LRRC4C: variants seen among roughly 807,000 people sequenced by gnomAD.
LRRC4C encodes leucine-rich repeat-containing protein 4C.
Under a neutral mutation model 33.6 loss-of-function variants are expected in LRRC4C, and 5 were observed. The observed-to-expected ratio is 0.15, with a 90% CI of 0.08 to 0.31. The LOEUF (loss-of-function observed/expected upper bound fraction) is 0.31. Among genes scored for constraint, LRRC4C ranks in the 10% least tolerant of loss-of-function variants. The pLI is 1.00. For synonymous variants in LRRC4C, 329 were observed against 302.0 expected (o/e 1.09, Z -0.93); for missense variants, 560 against 796.7 (o/e 0.70, Z 3.58).
At chr11:40,592,558 G>C (rs2135745486) in intron 3 of LRRC4C, among the ~76,000 whole-genome samples, 1 of 152,304 alleles carries the variant, frequency 6.6e-6, no homozygotes, top group East Asian at 1.9e-4. Context: ...AGGACATTCT[G>C]TGTCCATCCC....
At chr11:40,442,637 G>T (rs1048939336) in intron 3 of LRRC4C, among the ~76,000 whole-genome samples, 1 of 152,186 alleles carries the variant, frequency 6.6e-6, no homozygotes, top group African/African-American at 2.4e-5. Flanking sequence ...ATTCTCCAGG[G>T]AGACAGGGTT....
intron 3 of LRRC4C, among the ~76,000 whole-genome samples, chr11:40,403,190 A>T (rs1436030404): frequency 6.6e-6 from 1 of 152,138 alleles, no homozygotes; most frequent in Non-Finnish European, 1.5e-5. Flanking sequence ...AAGCCATATC[A>T]TATGATTCTA....
At chr11:41,316,271 A>AAC (rs952937503) in intron 1 of LRRC4C, among the ~76,000 whole-genome samples, 4 of 149,320 alleles carry the variant, frequency 2.7e-5, no homozygotes, top group South Asian at 2.1e-4. Context: ...GCAAAAAAAA[A>AAC]AAAAAAAACA....
At chr11:40,688,010 T>C (rs1027727914) in intron 2 of LRRC4C, among the ~76,000 whole-genome samples, 1 of 152,070 alleles carries the variant, frequency 6.6e-6, no homozygotes, top group Non-Finnish European at 1.5e-5. Flanking sequence ...CCTGAGGATA[T>C]TGTAATCTAC....
intron 1 of LRRC4C, among the ~76,000 whole-genome samples, chr11:41,458,291 T>A (rs372177546): frequency 1.3e-5 from 2 of 152,044 alleles, no homozygotes; most frequent in East Asian, 1.9e-4. Context: ...GGATAAACCA[T>A]CCACATGCAC....
At position 40,687,679 on chromosome 11, in the gene LRRC4C, A is replaced by G. The variant is rs540828682; in HGVS notation, c.-406-39401T>C. On this transcript the variant is annotated intron_variant, in intron 2 of 6. Coordinates refer to ENST00000528697, the MANE Select transcript of LRRC4C (RefSeq NM_001258419.2). ...AATGCTAAACTTTGTCTTTCTTGCT[A>G]TGATTGATGCATGCAAATTATTTCA... Among the ~76,000 whole-genome samples, 4 of 152,240 alleles carry G rather than the reference A, an allele frequency of 2.6e-5. No individual in the cohort carries two copies. The East Asian group carries it at 7.7e-4, about 29-fold the overall frequency.
intron 3 of LRRC4C, among the ~76,000 whole-genome samples, chr11:40,531,386 C>A (rs1435771622): frequency 1.3e-5 from 2 of 151,996 alleles, no homozygotes; most frequent in African/African-American, 4.8e-5. Flanking sequence ...GAGTCGAATT[C>A]ACCTCTAAGT....
chr11:41,309,957 G>A (rs187346360), intron 1 of LRRC4C, among the ~76,000 whole-genome samples: 2 of 152,172 alleles, frequency 1.3e-5, no homozygotes, highest in African/African-American at 4.8e-5. Flanking sequence ...CTTCAACTGC[G>A]CTTTGATGTG....
chr11:40,156,632 A>G (rs1858714517), intron 5 of LRRC4C, among the ~76,000 whole-genome samples: 2 of 151,992 alleles, frequency 1.3e-5, no homozygotes, highest in Non-Finnish European at 2.9e-5. Flanking sequence ...CAAAAAACAG[A>G]AACAAAAACA....
chr11:40,321,710 G>A lies in LRRC4C; in HGVS notation c.-269-1989C>T, dbSNP rs150276819. Among the ~76,000 whole-genome samples the A allele has an allele frequency of 8.1e-3, 1,228 of 152,212 alleles. 10 individuals carry two copies. The highest frequency in any genetic ancestry group is 0.011 in the Non-Finnish European group (738 of 68,012). ...CAATTGAAGTAGATTCTATCAGATC[G>A]ATTGTATCTTAGCCTCTGAATGCAT... On this transcript the variant is annotated intron_variant, in intron 3 of 6. Coordinates refer to ENST00000528697, the MANE Select transcript of LRRC4C (RefSeq NM_001258419.2).
At chr11:41,037,045 G>A (rs1857121292) in intron 1 of LRRC4C, among the ~76,000 whole-genome samples, 1 of 152,098 alleles carries the variant, frequency 6.6e-6, no homozygotes, top group African/African-American at 2.4e-5. Context: ...CTAGTTTTGT[G>A]CTCAAAATAC....
At chr11:40,570,758 T>C (rs1957951121) in intron 3 of LRRC4C, among the ~76,000 whole-genome samples, 2 of 152,136 alleles carry the variant, frequency 1.3e-5, no homozygotes, top group African/African-American at 4.8e-5. Flanking sequence ...ACATTTTTTC[T>C]CTTATCATCC....
At chr11:40,955,770 A>G (rs1958926787) in intron 1 of LRRC4C, among the ~76,000 whole-genome samples, 1 of 151,858 alleles carries the variant, frequency 6.6e-6, no homozygotes, top group Non-Finnish European at 1.5e-5. Context: ...ACATGTACTC[A>G]TAGAGGAAAG....
intron 5 of LRRC4C, among the ~76,000 whole-genome samples, chr11:40,218,030 T>C (rs1388595864): frequency 1.3e-5 from 2 of 152,124 alleles, no homozygotes; most frequent in Admixed American, 6.6e-5. Context: ...GTCCATTATA[T>C]TGTGGCTAAG....
intron 2 of LRRC4C, among the ~76,000 whole-genome samples, chr11:40,872,758 A>G (rs1315748989): frequency 6.6e-6 from 1 of 152,276 alleles, no homozygotes; most frequent in East Asian, 1.9e-4. Flanking sequence ...AATATGGACA[A>G]GTAAAAGGGG....
chr11:40,296,868 TA>T (rs1309308317), intron 4 of LRRC4C, among the ~76,000 whole-genome samples: 2 of 152,190 alleles, frequency 1.3e-5, no homozygotes, highest in Non-Finnish European at 2.9e-5. Flanking sequence ...TTAGCCCATC[TA>T]GTTACCAAAA....
Position 40,137,237 on chromosome 11 carries a change from C to T in LRRC4C, c.-43+3564G>A, listed in dbSNP as rs374419793. ...ACTTTTACCAGTAATCTTGTCCTAT[C>T]AGACTCTTGTCCTAGCTGCACTCTC... On this transcript the variant is annotated intron_variant, in intron 6 of 6. Transcript: ENST00000528697. 5.5e-4 allele frequency among the ~76,000 whole-genome samples: 84 copies of T among 152,164 alleles called. 2 individuals are homozygous for T. In the South Asian group the frequency reaches 0.016, roughly 29 times the overall value.
chr11:40,799,987 T>G (rs1950978636), intron 2 of LRRC4C, among the ~76,000 whole-genome samples: 1 of 151,996 alleles, frequency 6.6e-6, no homozygotes, highest in Non-Finnish European at 1.5e-5. Flanking sequence ...CAACATAAAT[T>G]TTCTAAAACA....
At chr11:40,441,915 C>G (rs1272800544) in intron 3 of LRRC4C, among the ~76,000 whole-genome samples, 4 of 152,142 alleles carry the variant, frequency 2.6e-5, no homozygotes. Context: ...GTAATCCCAG[C>G]ACTTTGGGAG....
Sources: gnomAD v4.1 joint callset for allele counts (sites outside exome capture counted in the v4.1 genomes callset) on GRCh38, gnomAD v4.1.1 for gene constraint, MANE v1.5 for transcripts, NCBI Gene and HGNC (gene_info 2026-07-23, HGNC 2026-07-21) for gene names.